The following SLX4IP variants were observed in gnomAD, a reference collection of about 807,000 sequenced individuals.
The protein encoded by SLX4IP is SLX4 interacting protein.
SLX4IP carries 34 observed loss-of-function variants against 32.9 expected under a neutral mutation model. That is an observed-to-expected ratio of 1.03 (90% CI 0.79 to 1.38). The LOEUF (loss-of-function observed/expected upper bound fraction) is 1.38. Among genes scored for constraint, SLX4IP ranks in the 40% most tolerant of loss-of-function variants. SLX4IP has a pLI of 0.00. For synonymous variants in SLX4IP, 172 were observed against 171.7 expected (o/e 1.00, Z -0.01); for missense variants, 444 against 479.0 (o/e 0.93, Z 0.68).
rs2067143818 is a variant in SLX4IP, at chr20:10,623,779, G to T, written c.*400G>T. The T allele has an allele frequency of 5.7e-6, 1 of 176,690 alleles. No homozygotes were observed. Among genetic ancestry groups the T allele is most frequent in the Non-Finnish European group, 1.2e-5 (1 of 82,236 alleles). 10.9% of individuals were successfully genotyped at this position (176,690 alleles called of 1,614,324 possible). A position where few individuals can be genotyped will look rare whatever the true frequency, so the allele number is the denominator to read the frequency against. The stretch of plus-strand genomic sequence containing the variant: ...GCCGTGCTGCCTTTCAGCTCCAGGG[G>T]TACAATCCATCCCCCTGCTCCTCAG... On this transcript the variant is annotated 3_prime_UTR_variant, in exon 8 of 8. Coordinates refer to ENST00000334534, the MANE Select transcript of SLX4IP (RefSeq NM_001009608.3).
At chr20:10,440,854 T>C (rs2065155048) in intron 1 of SLX4IP, among the ~76,000 whole-genome samples, 1 of 152,228 alleles carries the variant, frequency 6.6e-6, no homozygotes, top group Admixed American at 6.5e-5. Context: ...GCTTGTGCTC[T>C]TGTTGTTGGA....
At chr20:10,561,453 A>T (rs1165735055) in intron 4 of SLX4IP, among the ~76,000 whole-genome samples, 2 of 151,974 alleles carry the variant, frequency 1.3e-5, no homozygotes, top group Admixed American at 1.3e-4. Context: ...AATAGCTTCT[A>T]CATATGAGTG....
chr20:10,548,649 G>T (rs1414702994), intron 2 of SLX4IP, among the ~76,000 whole-genome samples: 1 of 152,182 alleles, frequency 6.6e-6, no homozygotes, highest in African/African-American at 2.4e-5. Flanking sequence ...TGCCAGGTTG[G>T]CAAGGCACCG....
chr20:10,577,425 A>G (rs957569319), intron 4 of SLX4IP, among the ~76,000 whole-genome samples: 3 of 152,222 alleles, frequency 2.0e-5, no homozygotes, highest in African/African-American at 7.2e-5. Flanking sequence ...GAACTGAAAG[A>G]TAACAATAAG....
chr20:10,612,481 C>A (rs2066977911), intron 6 of SLX4IP, among the ~76,000 whole-genome samples: 1 of 152,134 alleles, frequency 6.6e-6, no homozygotes, highest in African/African-American at 2.4e-5. Flanking sequence ...TTTGAATATG[C>A]CCTAAGACTA....
chr20:10,610,356 C>T lies in SLX4IP; in HGVS notation c.405+8537C>T, dbSNP rs927812397. Among the ~76,000 whole-genome samples, 4 of 152,322 alleles carry T rather than the reference C, an allele frequency of 2.6e-5. No individual in the cohort carries two copies. The South Asian group carries it at 6.2e-4, about 24-fold the overall frequency. On this transcript the variant is annotated intron_variant, in intron 6 of 7. Transcript: ENST00000334534. ...ATTTTAAAGAGAAAATGAGAGTATT[C>T]ACTACTAACCCAAATGACAGCATTA...
intron 2 of SLX4IP, among the ~76,000 whole-genome samples, chr20:10,496,924 C>T (rs749381482): frequency 6.6e-6 from 1 of 152,130 alleles, no homozygotes; most frequent in Admixed American, 6.6e-5. Context: ...CCATATGTGA[C>T]CTAGACTTAG....
At chr20:10,556,341 A>C in intron 3 of SLX4IP, 21 bp downstream of exon 3, 2 of 1,598,812 alleles carry the variant, frequency 1.3e-6, no homozygotes, top group African/African-American at 2.7e-5. Flanking sequence ...ACTTTCTACT[A>C]TTTAATTGCA....
At chr20:10,457,610 T>C (rs140479586) in intron 1 of SLX4IP, among the ~76,000 whole-genome samples, 284 of 152,232 alleles carry the variant, frequency 1.9e-3, no homozygotes, top group Non-Finnish European at 3.2e-3. Flanking sequence ...TTTGATTTTC[T>C]AGTATTTTGT....
rs199963485 is a variant in SLX4IP at position 10,598,741 on chromosome 20, C to G, written c.305C>G (p.Thr102Arg). The G allele has an allele frequency of 1.4e-5, 22 of 1,614,038 alleles. No homozygotes were observed. The East Asian group carries it at 4.9e-4, about 36-fold the overall frequency. Reference sequence around the variant, plus strand: ...ATACGCCTTCGCTGCATCAGGAGCACACAGAATGCTGGTAAGAAGCCGATT... The same window carrying G: ...ATACGCCTTCGCTGCATCAGGAGCAGACAGAATGCTGGTAAGAAGCCGATT... ...RGIRLRCIRSTQNAELCVFPD... is the reference protein window; with the variant it reads ...RGIRLRCIRSRQNAELCVFPD... Residue 102 changes from threonine to arginine, a missense_variant, in exon 5 of 8, where the codon ACA becomes AGA. Transcript: ENST00000334534.
At chr20:10,472,339 T>C (rs2065431989) in intron 2 of SLX4IP, among the ~76,000 whole-genome samples, 1 of 151,852 alleles carries the variant, frequency 6.6e-6, no homozygotes, top group Admixed American at 6.6e-5. Flanking sequence ...CACGCTATTC[T>C]CCTGCCTTAG....
chr20:10,559,436 A>T (rs1168870934), intron 3 of SLX4IP, among the ~76,000 whole-genome samples: 1 of 152,176 alleles, frequency 6.6e-6, no homozygotes, highest in Non-Finnish European at 1.5e-5. Context: ...ATTCTAAGAG[A>T]TCAACCTGAG....
At chr20:10,613,415 C>T (rs1568772597) in intron 6 of SLX4IP, 1 of 1,570,700 alleles carries the variant, frequency 6.4e-7, no homozygotes, top group Non-Finnish European at 8.8e-7. Context: ...CACCTAAGGA[C>T]CTTTGAAGAG....
chr20:10,584,663 C>A (rs776026549), intron 4 of SLX4IP, among the ~76,000 whole-genome samples: 2 of 152,174 alleles, frequency 1.3e-5, no homozygotes, highest in South Asian at 4.1e-4. Context: ...GAAAAGACCT[C>A]AGCCTTGGAG....
intron 2 of SLX4IP, among the ~76,000 whole-genome samples, chr20:10,530,869 T>A (rs1335636686): frequency 6.6e-6 from 1 of 152,190 alleles, no homozygotes; most frequent in African/African-American, 2.4e-5. Context: ...AAAAAAAGCA[T>A]AAATGCTGAA....
chr20:10,520,137 G>A (rs954786255), intron 2 of SLX4IP, among the ~76,000 whole-genome samples: 54 of 151,768 alleles, frequency 3.6e-4, no homozygotes, highest in African/African-American at 1.3e-3. Context: ...TGCTACCTCC[G>A]CCTCTTGGGT....
At chr20:10,514,417 T>C (rs684169) in intron 2 of SLX4IP, among the ~76,000 whole-genome samples, 90,862 of 152,040 alleles carry the variant, frequency 0.6, 27,499 homozygotes, top group South Asian at 0.75. Context: ...TCTTTCCTCT[T>C]GTATTCCACA....
intron 2 of SLX4IP, among the ~76,000 whole-genome samples, chr20:10,485,758 A>C (rs1646219118): frequency 6.6e-6 from 1 of 152,224 alleles, no homozygotes; most frequent in Admixed American, 6.5e-5. Flanking sequence ...TATATACTGT[A>C]TGCTTATTAT....
chr20:10,455,840 G>A (rs1011871181), intron 1 of SLX4IP, among the ~76,000 whole-genome samples: 1 of 151,956 alleles, frequency 6.6e-6, no homozygotes, highest in Non-Finnish European at 1.5e-5. Flanking sequence ...CGAACTCCTG[G>A]CCTCAAGTGA....
Sources: gnomAD v4.1 joint callset for allele counts (sites outside exome capture counted in the v4.1 genomes callset) on GRCh38, gnomAD v4.1.1 for gene constraint, MANE v1.5 for transcripts, NCBI Gene and HGNC (gene_info 2026-07-23, HGNC 2026-07-21) for gene names.